Variants in PXDNL observed in about 807,000 individuals in gnomAD.
PXDNL encodes the protein peroxidasin like, also known as probable oxidoreductase PXDNL.
Under a neutral mutation model 150.8 loss-of-function variants are expected in PXDNL, and 145 were observed. The observed-to-expected ratio is 0.96, with a 90% CI of 0.84 to 1.10. PXDNL has a LOEUF of 1.10. PXDNL is among the 50% of genes least tolerant of loss of function. The pLI is 0.00. For synonymous variants in PXDNL, 757 were observed against 725.7 expected, an observed-to-expected ratio of 1.04 and a Z score of -0.69; for missense variants, 2,087 against 1,873.9, an observed-to-expected ratio of 1.11 and a Z score of -2.10.
At chr8:51,344,745 T>C (rs540963477) in intron 20 of PXDNL, among the ~76,000 whole-genome samples, 49 of 152,380 alleles carry the variant, frequency 3.2e-4, no homozygotes, top group Admixed American at 5.9e-4. Flanking sequence ...TGCTAGGTAC[T>C]ATATTAGTAT....
intron 1 of PXDNL, among the ~76,000 whole-genome samples, chr8:51,789,920 A>T (rs1307021801): frequency 1.3e-5 from 2 of 152,192 alleles, no homozygotes; most frequent in African/African-American, 4.8e-5. Context: ...CCCTAAATAT[A>T]TATGCAAAAT....
chr8:51,412,051 C>T (rs1808667309), intron 15 of PXDNL, among the ~76,000 whole-genome samples: 1 of 152,152 alleles, frequency 6.6e-6, no homozygotes, highest in African/African-American at 2.4e-5. Flanking sequence ...ATCCCAAATA[C>T]CAAGCCCACT....
intron 19 of PXDNL, among the ~76,000 whole-genome samples, chr8:51,369,948 G>C (rs116443898): frequency 0.012 from 1,811 of 152,254 alleles, 29 homozygotes; most frequent in African/African-American, 0.04. Flanking sequence ...AATGGCAATG[G>C]GGGGAGGGCA....
At chr8:51,339,550 T>A in intron 21 of PXDNL, 74 bp downstream of exon 21, 1 of 1,414,586 alleles carries the variant, frequency 7.1e-7, no homozygotes. Context: ...TGTGGAGAGT[T>A]ACTGGACAAA....
chr8:51,517,937 C>T lies in PXDNL; in HGVS notation c.381-18167G>A, dbSNP rs1044305179. ...GTAAAATCAAATGAAACGTACTTTTCGGTGTGATTAATGCTGACTTTAACA... is the reference window on the plus strand; with the variant it reads ...GTAAAATCAAATGAAACGTACTTTTTGGTGTGATTAATGCTGACTTTAACA... On this transcript the variant is annotated intron_variant, in intron 4 of 22. Transcript: ENST00000356297. Among the ~76,000 whole-genome samples, 6 of 152,018 alleles carry T rather than the reference C, an allele frequency of 3.9e-5. 1 individual carries two copies. Among genetic ancestry groups the T allele is most frequent in the African/African-American group, 1.2e-4 (5 of 41,414 alleles).
rs1005628415 is a variant in PXDNL at position 51,665,663 on chromosome 8, G to A, written c.165-10903C>T. On this transcript the variant is annotated intron_variant, in intron 1 of 22. Transcript: ENST00000356297. ...GAATCACTTATGGCTCATAATTGGC[G>A]AAATTCAAAGTATTCTTTCCTTCCA... Among the ~76,000 whole-genome samples, 7 of 152,120 alleles carry A rather than the reference G, an allele frequency of 4.6e-5. No homozygotes were observed. In the South Asian group the frequency reaches 8.3e-4, roughly 18 times the overall value.
chr8:51,611,204 A>C (rs967658503), intron 2 of PXDNL, among the ~76,000 whole-genome samples: 1 of 152,200 alleles, frequency 6.6e-6, no homozygotes, highest in Admixed American at 6.5e-5. Context: ...GCCATGTAAT[A>C]TTTAATAAAA....
chr8:51,380,780 C>T lies in PXDNL; in HGVS notation c.3558-6049G>A, dbSNP rs556312519. Among the ~76,000 whole-genome samples, 174 of 152,140 alleles carry T rather than the reference C, an allele frequency of 1.1e-3. 1 individual carries two copies. In the South Asian group the frequency reaches 0.02, roughly 17 times the overall value. ...GCTTACAGTGTATTTTTGAGATGTT[C>T]TTTATTTAGTTAGGATGTTTCATTT... On this transcript the variant is annotated intron_variant, in intron 17 of 22. Coordinates refer to ENST00000356297, the MANE Select transcript of PXDNL (RefSeq NM_144651.5).
intron 19 of PXDNL, among the ~76,000 whole-genome samples, chr8:51,369,948 G>T (rs116443898): frequency 1.3e-5 from 2 of 152,260 alleles, no homozygotes; most frequent in East Asian, 1.9e-4. Flanking sequence ...AATGGCAATG[G>T]GGGGAGGGCA....
At chr8:51,597,449 G>A (rs562580702) in intron 2 of PXDNL, among the ~76,000 whole-genome samples, 4 of 152,070 alleles carry the variant, frequency 2.6e-5, no homozygotes, top group Non-Finnish European at 5.9e-5. Context: ...AACTACACTG[G>A]TACTTTGCTA....
intron 2 of PXDNL, among the ~76,000 whole-genome samples, chr8:51,611,169 ATAT>A (rs919079815): frequency 3.8e-4 from 58 of 152,198 alleles, no homozygotes; most frequent in African/African-American, 1.4e-3. Flanking sequence ...TCCAAGCAAA[ATAT>A]TATTATTATT....
intron 5 of PXDNL, among the ~76,000 whole-genome samples, chr8:51,492,604 A>G (rs6473609): frequency 0.42 from 63,533 of 151,954 alleles, 15,349 homozygotes; most frequent in African/African-American, 0.67. Context: ...CTTTTCCAAT[A>G]GTCTTAGCAA....
Position 51,408,350 on chromosome 8 carries a change from T to G in PXDNL, c.3274A>C (p.Ile1092Leu). 1.9e-6 allele frequency: 3 copies of G among 1,614,002 alleles called. No individual in the cohort carries two copies. Among genetic ancestry groups the G allele is most frequent in the Non-Finnish European group, 2.5e-6 (3 of 1,179,878 alleles). The change falls in exon 17 of 23, where the codon ATC becomes CTC. Residue 1092 changes from isoleucine to leucine, a missense_variant. By Grantham distance (5) the Ile-to-Leu change is conservative. Coordinates refer to ENST00000356297, the MANE Select transcript of PXDNL (RefSeq NM_144651.5). ...ACCGGGTCTATCCCACCTTCCTTGATTATTCTGGACGGTGAAAAGAGCGCT... is the reference window on the plus strand; with the variant it reads ...ACCGGGTCTATCCCACCTTCCTTGAGTATTCTGGACGGTGAAAAGAGCGCT... Reference protein sequence around the residue: ...HKALFSPSRIIKEGGIDPVLR... With the variant: ...HKALFSPSRILKEGGIDPVLR...
intron 1 of PXDNL, among the ~76,000 whole-genome samples, chr8:51,769,196 G>T (rs1371384219): frequency 1.3e-5 from 2 of 152,216 alleles, no homozygotes; most frequent in Admixed American, 1.3e-4. Flanking sequence ...TTTATTAATG[G>T]TTTACTATGT....
At chr8:51,380,540 C>G (rs1807499495) in intron 17 of PXDNL, among the ~76,000 whole-genome samples, 1 of 152,198 alleles carries the variant, frequency 6.6e-6, no homozygotes, top group South Asian at 2.1e-4. Flanking sequence ...GACTTCTTTA[C>G]CTTTTCTTCT....
intron 8 of PXDNL, among the ~76,000 whole-genome samples, chr8:51,470,829 T>G (rs1217287893): frequency 6.6e-6 from 1 of 152,076 alleles, no homozygotes; most frequent in African/African-American, 2.4e-5. Context: ...TATACAAAAA[T>G]TAACTCGAGA....
At chr8:51,619,680 T>C (rs891911136) in intron 2 of PXDNL, among the ~76,000 whole-genome samples, 2 of 152,150 alleles carry the variant, frequency 1.3e-5, no homozygotes, top group African/African-American at 2.4e-5. Flanking sequence ...CCTTCCACCA[T>C]GATTGTAAGT....
intron 20 of PXDNL, among the ~76,000 whole-genome samples, chr8:51,341,020 G>A (rs989730589): frequency 6.6e-6 from 1 of 152,252 alleles, no homozygotes; most frequent in Non-Finnish European, 1.5e-5. Flanking sequence ...AGTGGCTGAT[G>A]TTGGTGAGCC....
chr8:51,553,262 A>G (rs1296110156), intron 4 of PXDNL, among the ~76,000 whole-genome samples: 1 of 152,044 alleles, frequency 6.6e-6, no homozygotes, highest in Non-Finnish European at 1.5e-5. Context: ...GACATTGCAC[A>G]CTGGCAGCTC....
Sources: allele counts gnomAD v4.1 joint callset (sites outside exome capture counted in the v4.1 genomes callset), GRCh38; gene constraint gnomAD v4.1.1; transcripts MANE v1.5; gene names NCBI Gene and HGNC (gene_info 2026-07-23, HGNC 2026-07-21).